The following C11orf54 variants were observed in gnomAD, a reference collection of about 807,000 sequenced individuals.
The protein encoded by C11orf54 is beta-keto-L-gulonate decarboxylase.
A neutral mutation model predicts 35.5 loss-of-function variants in C11orf54; 29 were observed. The ratio of observed to expected loss-of-function variants is 0.82; its 90% CI spans 0.61 to 1.11. C11orf54 has a LOEUF of 1.11. C11orf54 is among the 50% of genes most tolerant of loss of function. The probability of loss-of-function intolerance (pLI) is 0.00; values close to 1 mark genes in which losing one functional copy is unlikely to be tolerated. For missense variants in C11orf54, 373 were observed against 369.2 expected, an observed-to-expected ratio of 1.01 and a Z score of -0.08; for synonymous variants, 108 against 121.1, an observed-to-expected ratio of 0.89 and a Z score of 0.71.
intron 7 of C11orf54, among the ~76,000 whole-genome samples, chr11:93,759,116 C>T (rs912476336): frequency 6.6e-6 from 1 of 152,202 alleles, no homozygotes; most frequent in South Asian, 2.1e-4. Context: ...CCTCAAGGAT[C>T]TAGAACTGGA....
chr11:93,743,143 C>T (rs1436461589), intron 1 of C11orf54, among the ~76,000 whole-genome samples: 3 of 151,708 alleles, frequency 2.0e-5, no homozygotes, highest in East Asian at 1.9e-4. Context: ...TGGGACTACA[C>T]GCGCCCGCCA....
At chr11:93,745,338 T>C (rs545016817) in intron 1 of C11orf54, among the ~76,000 whole-genome samples, 1 of 152,306 alleles carries the variant, frequency 6.6e-6, no homozygotes, top group Non-Finnish European at 1.5e-5. Flanking sequence ...CACGCTTTCT[T>C]GGGCAGAGGT....
chr11:93,754,514 G>GAAAATATT (rs1365888721), intron 5 of C11orf54, among the ~76,000 whole-genome samples: 15 of 152,084 alleles, frequency 9.9e-5, no homozygotes, highest in Non-Finnish European at 1.6e-4. Context: ...ATTACCATAT[G>GAAAATATT]AAAATATTAC....
chr11:93,743,792 T>C (rs142931954), intron 1 of C11orf54, among the ~76,000 whole-genome samples: 1 of 152,266 alleles, frequency 6.6e-6, no homozygotes, highest in Non-Finnish European at 1.5e-5. Context: ...CGATAGTTGG[T>C]CTACCCCTCC....
At chr11:93,756,038 A>G (rs1943124843) in intron 6 of C11orf54, among the ~76,000 whole-genome samples, 1 of 151,556 alleles carries the variant, frequency 6.6e-6, no homozygotes, top group East Asian at 2.0e-4. Context: ...AAGGTGGCAC[A>G]TGCCTGTAGT....
Position 93,761,707 on chromosome 11 carries a change from AG to A in C11orf54, c.*20del. Reference sequence around the variant, plus strand: ...AGATTAAATCAGCTGATACTTATTTAGAAAAAGAAATAATTAAGGTTAATTA... The same window carrying A: ...AGATTAAATCAGCTGATACTTATTTAAAAAAGAAATAATTAAGGTTAATTA... On this transcript the variant is annotated 3_prime_UTR_variant, in exon 9 of 9. Transcript: ENST00000354421. 4 of 1,513,642 alleles carry A rather than the reference AG, an allele frequency of 2.6e-6. No individual in the cohort carries two copies. In the Admixed American group the frequency reaches 7.1e-5, roughly 27 times the overall value. The allele number at this position is 1,513,642 out of a possible 1,614,324, so 93.8% of individuals were successfully genotyped here.
rs1457996400 is a variant in C11orf54 at position 93,762,301 on chromosome 11, AAG to A, written c.*617_*618del. 6.6e-6 allele frequency: 1 copy of A among 152,234 alleles called. No individual in the cohort carries two copies. Among genetic ancestry groups the A allele is most frequent in the Admixed American group, 6.5e-5 (1 of 15,288 alleles). 9.4% of individuals were successfully genotyped at this position (152,234 alleles called of 1,614,324 possible). On this transcript the variant is annotated 3_prime_UTR_variant, in exon 9 of 9. Coordinates refer to ENST00000354421, the MANE Select transcript of C11orf54 (RefSeq NM_001286069.2). ...GCAGGATATTAAAAAACATTTGAAA[AAG>A]AGAAAAAGAAAAATCAGTGTTTAGA...
Position 93,761,916 on chromosome 11 carries a change from A to C in C11orf54, c.*228A>C, listed in dbSNP as rs978247182. On this transcript the variant is annotated 3_prime_UTR_variant, in exon 9 of 9. Coordinates refer to ENST00000354421, the MANE Select transcript of C11orf54 (RefSeq NM_001286069.2). The stretch of plus-strand genomic sequence containing the variant: ...AAGACCCTGTCTATTTTTTTAAAAA[A>C]GTAAAAAATAGAAATTATCTCACTA... The C allele has an allele frequency of 2.7e-5, 8 of 294,288 alleles. No individual in the cohort carries two copies. Among genetic ancestry groups the C allele is most frequent in the Non-Finnish European group, 4.3e-5 (7 of 162,512 alleles). 18.2% of individuals were successfully genotyped at this position (294,288 alleles called of 1,614,324 possible). A position where few individuals can be genotyped will look rare whatever the true frequency, so the allele number is the denominator to read the frequency against.
At chr11:93,752,479 C>T (rs1489206115) in intron 3 of C11orf54, among the ~76,000 whole-genome samples, 3 of 152,062 alleles carry the variant, frequency 2.0e-5, no homozygotes. Flanking sequence ...GCCATTGCTG[C>T]CTGACATTCT....
intron 2 of C11orf54, 118 bp downstream of exon 2, chr11:93,747,566 A>G (rs997671598): frequency 3.8e-5 from 9 of 238,326 alleles, no homozygotes; most frequent in African/African-American, 2.1e-4. Flanking sequence ...TTACTTATCA[A>G]AATAATACTT....
intron 2 of C11orf54, 62 bp from the exon 3 acceptor site, chr11:93,750,284 T>C (rs1329071499): frequency 7.5e-7 from 1 of 1,332,800 alleles, no homozygotes; most frequent in Non-Finnish European, 1.1e-6. Context: ...CATACCACTT[T>C]TGATACGTGG....
At chr11:93,758,083 G>T (rs2135664713) in intron 7 of C11orf54, among the ~76,000 whole-genome samples, 1 of 152,298 alleles carries the variant, frequency 6.6e-6, no homozygotes, top group East Asian at 1.9e-4. Context: ...GCCCAGGTGG[G>T]AGGACCGCTG....
At chr11:93,755,421 A>G (rs1270407949) in intron 6 of C11orf54, 35 bp downstream of exon 6, 1 of 1,585,220 alleles carries the variant, frequency 6.3e-7, no homozygotes, top group Non-Finnish European at 8.6e-7. Flanking sequence ...TATTCCCTAA[A>G]TGTTCTCAGA....
At chr11:93,754,397 A>C (rs1565267521) in intron 5 of C11orf54, among the ~76,000 whole-genome samples, 1 of 152,220 alleles carries the variant, frequency 6.6e-6, no homozygotes, top group Non-Finnish European at 1.5e-5. Flanking sequence ...AGATGAATGG[A>C]ATATTAGTGA....
chr11:93,755,379 C>T lies in C11orf54; in HGVS notation c.500C>T (p.Pro167Leu). ...LANLFASEGQ[P>L]GKVIEVKAKR... ...AATCTTTTTGCCAGTGAAGGCCAAC[C>T]TGGCAAGGTGATTGTGTCCATAAAA... The change falls in exon 6 of 9, where the codon CCT becomes CTT. Residue 167 changes from proline to leucine, a missense_variant. Pro to Leu is a moderately conservative substitution (Grantham distance 98, BLOSUM62 -3). Transcript: ENST00000354421. The T allele has an allele frequency of 6.2e-7, 1 of 1,613,654 alleles. No individual in the cohort carries two copies. Among genetic ancestry groups the T allele is most frequent in the Non-Finnish European group, 8.5e-7 (1 of 1,179,664 alleles).
At chr11:93,758,608 C>G (rs897034159) in intron 7 of C11orf54, among the ~76,000 whole-genome samples, 1 of 152,234 alleles carries the variant, frequency 6.6e-6, no homozygotes, top group Non-Finnish European at 1.5e-5. Context: ...AGGCAGAGCC[C>G]GGTCGCTGTC....
At chr11:93,743,735 CG>C (rs1376922726) in intron 1 of C11orf54, among the ~76,000 whole-genome samples, 1 of 152,160 alleles carries the variant, frequency 6.6e-6, no homozygotes, top group East Asian at 1.9e-4. Flanking sequence ...CAGTGTCTAA[CG>C]GTGTCTGGTA....
At chr11:93,755,537 G>A in intron 6 of C11orf54, 151 bp downstream of exon 6, 1 of 767,450 alleles carries the variant, frequency 1.3e-6, no homozygotes. Context: ...GTCAACTTGA[G>A]GTCAGGAGTT....
At position 93,759,737 on chromosome 11, in the gene C11orf54, T is replaced by G; in HGVS notation, c.658-5T>G. 1.3e-6 allele frequency: 2 copies of G among 1,545,718 alleles called. No homozygotes were observed. The highest frequency in any genetic ancestry group is 1.8e-6 in the Non-Finnish European group (2 of 1,126,226). On this transcript the variant is annotated splice_region_variant and splice_polypyrimidine_tract_variant and intron_variant, in intron 7 of 8. Transcript: ENST00000354421. ...GTTTACCTATGTAATTATCTTTTGT[T>G]GTAGCCTGCAGAATTTTCTTCCTGC...
Sources: gnomAD v4.1 joint callset for allele counts (sites outside exome capture counted in the v4.1 genomes callset) on GRCh38, gnomAD v4.1.1 for gene constraint, MANE v1.5 for transcripts, NCBI Gene and HGNC (gene_info 2026-07-23, HGNC 2026-07-21) for gene names.